Variants in SH3KBP1 observed in about 807,000 individuals in gnomAD.
SH3KBP1 encodes SH3 domain-containing kinase-binding protein 1.
SH3KBP1 carries 8 observed loss-of-function variants against 50.1 expected under a neutral mutation model. The ratio of observed to expected loss-of-function variants is 0.16; its 90% CI spans 0.09 to 0.29. The LOEUF (loss-of-function observed/expected upper bound fraction) is 0.29, where lower values mean the gene tolerates loss of function less well. Ranked by LOEUF, SH3KBP1 falls within the 10% of genes least tolerant of loss-of-function variation. The pLI, the probability that SH3KBP1 is intolerant of heterozygous loss-of-function variation, is 1.00. For synonymous variants in SH3KBP1, 227 were observed against 218.6 expected, an observed-to-expected ratio of 1.04 and a Z score of -0.34; for missense variants, 377 against 535.2, an observed-to-expected ratio of 0.70 and a Z score of 2.92.
chrX:19,809,275 C>G (rs1330812922), intron 2 of SH3KBP1, among the ~76,000 whole-genome samples: 3 of 111,848 alleles, frequency 2.7e-5, no homozygotes, highest in Non-Finnish European at 5.6e-5. Context: ...CCTGTAATCC[C>G]CACACTTTGG....
intron 14 of SH3KBP1, among the ~76,000 whole-genome samples, chrX:19,546,897 T>C (rs1189146536): frequency 8.9e-6 from 1 of 111,738 alleles, no homozygotes; most frequent in African/African-American, 3.3e-5. Flanking sequence ...CTCACGACCG[T>C]AATCCCAACA....
At chrX:19,795,602 C>T (rs1037767874) in intron 2 of SH3KBP1, among the ~76,000 whole-genome samples, 4 of 111,518 alleles carry the variant, frequency 3.6e-5, no homozygotes, top group Non-Finnish European at 5.6e-5. Context: ...TCCACTCCTT[C>T]GGCAATTCTT....
chrX:19,799,895 A>G, intron 2 of SH3KBP1: 1 of 872,994 alleles, frequency 1.1e-6, no homozygotes, highest in South Asian at 3.3e-5. Context: ...TCTGTCGCAA[A>G]TCAAGTGAAA....
chrX:19,795,918 A>G (rs1326325754), intron 2 of SH3KBP1, among the ~76,000 whole-genome samples: 1 of 112,096 alleles, frequency 8.9e-6, no homozygotes, highest in Non-Finnish European at 1.9e-5. Flanking sequence ...AGCTTACACC[A>G]TGTAAACCTC....
chrX:19,850,221 G>A (rs766709448), intron 1 of SH3KBP1, among the ~76,000 whole-genome samples: 5 of 111,189 alleles, frequency 4.5e-5, no homozygotes, highest in African/African-American at 1.6e-4. Context: ...GTCTTGCTCT[G>A]TCTCCCAGGC....
Position 19,884,945 on chromosome X carries a change from G to GAAAT in SH3KBP1, c.4+2361_4+2362insATTT, listed in dbSNP as rs753649816. ...TTATTTTTCAGAAAACGAAATATAA[G>GAAAT]ATACAGTTTTACTATGTTATCCATC... On this transcript the variant is annotated intron_variant, in intron 1 of 17. Coordinates refer to ENST00000397821, the MANE Select transcript of SH3KBP1 (RefSeq NM_031892.3). 1.4e-4 allele frequency among the ~76,000 whole-genome samples: 16 copies of GAAAT among 111,378 alleles called. No homozygotes were observed. The East Asian group carries it at 4.2e-3, about 29-fold the overall frequency.
intron 2 of SH3KBP1, among the ~76,000 whole-genome samples, chrX:19,829,639 G>A (rs905361943): frequency 3.8e-5 from 4 of 106,368 alleles, no homozygotes; most frequent in Admixed American, 2.0e-4. Flanking sequence ...CCAGCTACTC[G>A]GGAGGCTGAA....
Position 19,611,730 on chromosome X carries a change from T to C in SH3KBP1, c.898-3685A>G, listed in dbSNP as rs183038836. ...GACATTGTATGTCTCATATTTCCCC[T>C]TGGTGATGACTGGCTTGGATGGCCC... On this transcript the variant is annotated intron_variant, in intron 8 of 17. Transcript: ENST00000397821. Among the ~76,000 whole-genome samples the C allele has an allele frequency of 2.1e-4, 23 of 110,718 alleles. 1 individual carries two copies. The East Asian group carries it at 6.4e-3, about 31-fold the overall frequency.
chrX:19,570,546 C>T (rs1434007831), intron 12 of SH3KBP1, among the ~76,000 whole-genome samples: 4 of 111,155 alleles, frequency 3.6e-5, no homozygotes, highest in African/African-American at 9.8e-5. Context: ...AATGAGGGGC[C>T]GAGGGACGGT....
chrX:19,733,065 A>AC (rs768626697), intron 3 of SH3KBP1, among the ~76,000 whole-genome samples: 1 of 111,937 alleles, frequency 8.9e-6, no homozygotes, highest in Non-Finnish European at 1.9e-5. Flanking sequence ...GAATTAGCCT[A>AC]CTGTGATGTT....
chrX:19,680,514 T>C (rs1480570288), intron 6 of SH3KBP1, among the ~76,000 whole-genome samples: 1 of 111,256 alleles, frequency 9.0e-6, no homozygotes, highest in Admixed American at 9.6e-5. Context: ...GAAGGCCAAC[T>C]GTCGCAGCCT....
intron 3 of SH3KBP1, among the ~76,000 whole-genome samples, chrX:19,740,157 TA>T (rs1433858845): frequency 1.2e-4 from 13 of 110,818 alleles, no homozygotes; most frequent in Non-Finnish European, 3.8e-5. Flanking sequence ...GTTCAGAAAA[TA>T]ACATGAAAAA....
At chrX:19,588,091 C>T (rs751461715) in intron 12 of SH3KBP1, among the ~76,000 whole-genome samples, 1 of 111,699 alleles carries the variant, frequency 9.0e-6, no homozygotes, top group Non-Finnish European at 1.9e-5. Flanking sequence ...CATCTCAGAA[C>T]ACATGCCTGC....
At chrX:19,621,241 A>ATTTTT (rs35328957) in intron 8 of SH3KBP1, among the ~76,000 whole-genome samples, 1 of 64,584 alleles carries the variant, frequency 1.5e-5, no homozygotes. Context: ...CACCTGGCTA[A>ATTTTT]TTTTTTTTTT....
chrX:19,659,167 T>C (rs752609302), intron 6 of SH3KBP1, among the ~76,000 whole-genome samples: 1 of 95,728 alleles, frequency 1.0e-5, no homozygotes, highest in Non-Finnish European at 2.0e-5. Context: ...CAGGCTGGAG[T>C]GCAATGGCAC....
At chrX:19,755,237 C>T (rs766565902) in intron 2 of SH3KBP1, among the ~76,000 whole-genome samples, 84 of 111,197 alleles carry the variant, frequency 7.6e-4, no homozygotes, top group African/African-American at 2.7e-3. Context: ...GGTGTGGTGG[C>T]GTGTGCCTGT....
intron 8 of SH3KBP1, 119 bp from the exon 9 acceptor site, chrX:19,608,164 G>T (rs2067297533): frequency 7.5e-6 from 4 of 531,554 alleles, no homozygotes; most frequent in Non-Finnish European, 1.2e-5. Flanking sequence ...TGAGGCAATG[G>T]TTACCAAGTC....
intron 4 of SH3KBP1, among the ~76,000 whole-genome samples, chrX:19,698,600 C>T (rs867429910): frequency 2.2e-4 from 25 of 111,799 alleles, no homozygotes; most frequent in African/African-American, 5.9e-4. Flanking sequence ...ACCATGGGCA[C>T]GATGCTCATT....
chrX:19,559,939 A>G (rs372753097), intron 13 of SH3KBP1, among the ~76,000 whole-genome samples: 49 of 111,462 alleles, frequency 4.4e-4, no homozygotes, highest in African/African-American at 1.5e-3. Context: ...GGTTAAAAAA[A>G]TCAAAATAAT....
Sources: allele counts gnomAD v4.1 joint callset (sites outside exome capture counted in the v4.1 genomes callset), GRCh38; gene constraint gnomAD v4.1.1; transcripts MANE v1.5; gene names NCBI Gene and HGNC (gene_info 2026-07-23, HGNC 2026-07-21).